ARIH1: variants seen among roughly 807,000 people sequenced by gnomAD.
The protein encoded by ARIH1 is ariadne RBR E3 ubiquitin protein ligase 1.
A neutral mutation model predicts 85.0 loss-of-function variants in ARIH1; 8 were observed. The ratio of observed to expected loss-of-function variants is 0.09; its 90% CI spans 0.06 to 0.17. The LOEUF (loss-of-function observed/expected upper bound fraction) is 0.17, where lower values mean the gene tolerates loss of function less well. Ranked by LOEUF, ARIH1 falls within the 10% of genes least tolerant of loss-of-function variation. The pLI is 1.00. For missense variants in ARIH1, 311 were observed against 718.1 expected, an observed-to-expected ratio of 0.43 and a Z score of 6.48; for synonymous variants, 238 against 253.6, an observed-to-expected ratio of 0.94 and a Z score of 0.59.
At chr15:72,516,307 A>G (rs2063974815) in intron 1 of ARIH1, among the ~76,000 whole-genome samples, 2 of 152,176 alleles carry the variant, frequency 1.3e-5, no homozygotes, top group Admixed American at 6.5e-5. Flanking sequence ...AAGTCTCTTG[A>G]TTGATGGAGA....
intron 2 of ARIH1, among the ~76,000 whole-genome samples, chr15:72,523,440 A>G (rs1229327047): frequency 6.6e-6 from 1 of 152,224 alleles, no homozygotes; most frequent in East Asian, 1.9e-4. Context: ...GGAAAAGGCA[A>G]AACTATGAAG....
chr15:72,484,790 C>CATATATAT (rs2063831305), intron 1 of ARIH1, among the ~76,000 whole-genome samples: 4 of 27,358 alleles, frequency 1.5e-4, no homozygotes, highest in Admixed American at 6.7e-4. Flanking sequence ...CATATATATA[C>CATATATAT]ACACACACAC....
chr15:72,571,129 CAAAAAAAAAAAAAAA>C (rs56376097), intron 10 of ARIH1, among the ~76,000 whole-genome samples: 6 of 61,442 alleles, frequency 9.8e-5, no homozygotes, highest in East Asian at 1.0e-3. Flanking sequence ...AACTGTGTCT[CAAAAAAAAAAAAAAA>C]AAAAAAAAAA....
At chr15:72,567,851 A>T (rs1271707823) in intron 9 of ARIH1, among the ~76,000 whole-genome samples, 1 of 152,124 alleles carries the variant, frequency 6.6e-6, no homozygotes, top group Non-Finnish European at 1.5e-5. Flanking sequence ...ATTCATTTTT[A>T]GTATTATTTT....
chr15:72,552,838 G>A (rs1415998564), intron 3 of ARIH1, among the ~76,000 whole-genome samples: 1 of 151,004 alleles, frequency 6.6e-6, no homozygotes, highest in Non-Finnish European at 1.5e-5. Context: ...GCGGTGGTGC[G>A]ATCTTGGCTT....
chr15:72,533,590 A>C lies in ARIH1; in HGVS notation c.444-11230A>C, dbSNP rs1349212710. ...ACCCAATAATTCCGCTCTCAGGTAT[A>C]TATCCAATAGAAAGAAATACGTGCA... is the stretch of plus-strand genomic sequence containing the variant. On this transcript the variant is annotated intron_variant, in intron 2 of 13. Transcript: ENST00000379887. 3.9e-5 allele frequency among the ~76,000 whole-genome samples: 6 copies of C among 152,222 alleles called. No homozygotes were observed. The East Asian group carries it at 1.2e-3, about 29-fold the overall frequency.
chr15:72,489,507 C>T (rs561869784), intron 1 of ARIH1, among the ~76,000 whole-genome samples: 55 of 152,220 alleles, frequency 3.6e-4, no homozygotes, highest in Non-Finnish European at 6.2e-4. Context: ...TAAAAAAATA[C>T]GTTTCACTTA....
At chr15:72,554,860 C>G (rs1034248111) in intron 3 of ARIH1, among the ~76,000 whole-genome samples, 1 of 152,048 alleles carries the variant, frequency 6.6e-6, no homozygotes, top group African/African-American at 2.4e-5. Flanking sequence ...CTCAGGCAGT[C>G]CTTCCACCTC....
chr15:72,490,881 GC>G (rs966265441), intron 1 of ARIH1, among the ~76,000 whole-genome samples: 2 of 152,120 alleles, frequency 1.3e-5, no homozygotes, highest in African/African-American at 4.8e-5. Context: ...ACTTTGGGAG[GC>G]CGAGGTGGGC....
intron 1 of ARIH1, 87 bp downstream of exon 1, chr15:72,475,101 G>T (rs1168523586): frequency 2.6e-6 from 4 of 1,514,954 alleles, no homozygotes; most frequent in Non-Finnish European, 3.5e-6. Context: ...ACAGGCCTGG[G>T]CCTGGTGCGC....
At chr15:72,567,293 T>C (rs1345157565) in intron 9 of ARIH1, 116 bp downstream of exon 9, 8 of 745,076 alleles carry the variant, frequency 1.1e-5, no homozygotes, top group Non-Finnish European at 1.7e-5. Context: ...TTTTTCTCCA[T>C]TGAGTCTTTT....
chr15:72,527,238 A>G (rs2064033773), intron 2 of ARIH1, among the ~76,000 whole-genome samples: 1 of 152,202 alleles, frequency 6.6e-6, no homozygotes, highest in Admixed American at 6.5e-5. Context: ...CAGAATGTCA[A>G]ACTATTTTAG....
chr15:72,565,447 C>T (rs922013062), intron 7 of ARIH1, among the ~76,000 whole-genome samples: 2 of 151,990 alleles, frequency 1.3e-5, no homozygotes, highest in Admixed American at 1.3e-4. Flanking sequence ...ATTGGTATTC[C>T]ATACCTTTCT....
rs949466701 is a variant in ARIH1 at position 72,595,038 on chromosome 15, G to C, written c.*11746G>C. On this transcript the variant is annotated 3_prime_UTR_variant, in exon 14 of 14. Coordinates refer to ENST00000379887, the MANE Select transcript of ARIH1 (RefSeq NM_005744.5). ...TTTGTTGATAATTTTTATTAGGAAGGGTTATTAAATTTTGTGAGATGCGTT... is the reference window on the plus strand; with the variant it reads ...TTTGTTGATAATTTTTATTAGGAAGCGTTATTAAATTTTGTGAGATGCGTT... 2.8e-4 allele frequency: 42 copies of C among 151,852 alleles called. No homozygotes were observed. Among genetic ancestry groups the C allele is most frequent in the African/African-American group, 9.7e-4 (40 of 41,430 alleles). 9.4% of individuals were successfully genotyped at this position (151,852 alleles called of 1,614,324 possible). A position where few individuals can be genotyped will look rare whatever the true frequency, so the allele number is the denominator to read the frequency against.
At chr15:72,478,129 A>G (rs968125210) in intron 1 of ARIH1, among the ~76,000 whole-genome samples, 2 of 147,230 alleles carry the variant, frequency 1.4e-5, no homozygotes, top group African/African-American at 2.5e-5. Context: ...TTATTTGTTT[A>G]TTTTGAGACA....
rs1464505695 is a variant in ARIH1, at chr15:72,588,270, G to A, written c.*4978G>A. Reference sequence around the variant, plus strand: ...GCCAAAGAAAACCCGGCCATGGGCAGTTTTTTTTTCCCAGCTTCTACTAGT... The same window carrying A: ...GCCAAAGAAAACCCGGCCATGGGCAATTTTTTTTTCCCAGCTTCTACTAGT... On this transcript the variant is annotated 3_prime_UTR_variant, in exon 14 of 14. Transcript: ENST00000379887. The A allele has an allele frequency of 6.6e-6, 1 of 151,534 alleles. No individual in the cohort carries two copies. Among genetic ancestry groups the A allele is most frequent in the Non-Finnish European group, 1.5e-5 (1 of 67,884 alleles). 9.4% of individuals were successfully genotyped at this position (151,534 alleles called of 1,614,324 possible).
chr15:72,508,851 G>A (rs2063937625), intron 1 of ARIH1, among the ~76,000 whole-genome samples: 1 of 150,882 alleles, frequency 6.6e-6, no homozygotes, highest in Non-Finnish European at 1.5e-5. Flanking sequence ...ACGCCACCAT[G>A]CCCGGCTAAT....
chr15:72,582,002 C>A lies in ARIH1; in HGVS notation c.1477-73C>A. Reference sequence around the variant, plus strand: ...ATGAGTGTTGAGAGCAGTCTGTAGTCAACAAAACAGTGAAAATGGTTTATC... The same window carrying A: ...ATGAGTGTTGAGAGCAGTCTGTAGTAAACAAAACAGTGAAAATGGTTTATC... On this transcript the variant is annotated intron_variant, in intron 12 of 13. Transcript: ENST00000379887. This position sits in a 1 kb window ranked among gnomAD's most constrained non-coding sequence, Gnocchi z 4.6. 1.9e-6 allele frequency: 2 copies of A among 1,061,694 alleles called. No homozygotes were observed. Among genetic ancestry groups the A allele is most frequent in the South Asian group, 2.8e-5 (2 of 70,934 alleles). The allele number at this position is 1,061,694 out of a possible 1,614,324, so 65.8% of individuals were successfully genotyped here. A position where few individuals can be genotyped will look rare whatever the true frequency, so the allele number is the denominator to read the frequency against.
At chr15:72,578,492 A>C (rs2064281484) in intron 11 of ARIH1, among the ~76,000 whole-genome samples, 2 of 152,188 alleles carry the variant, frequency 1.3e-5, no homozygotes, top group African/African-American at 4.8e-5. Context: ...AGTTTTGATA[A>C]ATCTCAACTT....
Sources: gnomAD v4.1 joint callset for allele counts (sites outside exome capture counted in the v4.1 genomes callset) on GRCh38, gnomAD v4.1.1 for gene constraint, Gnocchi (gnomAD v3.1) non-coding constraint, MANE v1.5 for transcripts, NCBI Gene and HGNC (gene_info 2026-07-23, HGNC 2026-07-21) for gene names.